The following GLB1 variants were observed in gnomAD, a reference collection of about 807,000 sequenced individuals.
GLB1 encodes the protein galactosidase beta 1.
A neutral mutation model predicts 74.0 loss-of-function variants in GLB1; 56 were observed. The ratio of observed to expected loss-of-function variants is 0.76; its 90% CI spans 0.61 to 0.94. The LOEUF is 0.94. Among genes scored for constraint, GLB1 ranks in the 40% least tolerant of loss-of-function variants. GLB1 has a pLI of 0.00. For missense variants in GLB1, 787 were observed against 845.5 expected, an observed-to-expected ratio of 0.93 and a Z score of 0.86; for synonymous variants, 323 against 323.6, an observed-to-expected ratio of 1.00 and a Z score of 0.02.
At chr3:33,062,615 T>C (rs905938848) in intron 5 of GLB1, among the ~76,000 whole-genome samples, 9 of 152,066 alleles carry the variant, frequency 5.9e-5, no homozygotes, top group African/African-American at 1.9e-4. Flanking sequence ...TGGTGAAACC[T>C]CATCTCCACT....
At chr3:33,091,026 G>A in intron 1 of GLB1, 2 of 985,390 alleles carry the variant, frequency 2.0e-6, no homozygotes, top group Non-Finnish European at 2.4e-6. Flanking sequence ...CACGTAACAG[G>A]TGAGTCAAAC....
chr3:33,090,718 T>C, intron 1 of GLB1: 1 of 985,430 alleles, frequency 1.0e-6, no homozygotes, highest in Non-Finnish European at 1.2e-6. Context: ...TGGAGAAATT[T>C]CTGCTGCAAA....
intron 4 of GLB1, among the ~76,000 whole-genome samples, chr3:33,067,002 C>CTTTTTTTTT (rs63579460): frequency 7.4e-6 from 1 of 135,474 alleles, no homozygotes; most frequent in African/African-American, 2.7e-5. Context: ...GTTTTTATTT[C>CTTTTTTTTT]TTTTTTTTTT....
intron 15 of GLB1, among the ~76,000 whole-genome samples, chr3:33,011,659 A>G (rs947444975): frequency 1.9e-4 from 28 of 150,914 alleles, no homozygotes; most frequent in African/African-American, 5.8e-4. Flanking sequence ...AAAAAAAAGA[A>G]AATATTTCAA....
At chr3:32,962,189 A>G in the GLB1 span, among the ~76,000 whole-genome samples, 60 of 38,216 alleles carry the variant, frequency 1.6e-3, no homozygotes, top group African/African-American at 0.015. Flanking sequence ...GTGAGACTAC[A>G]TATTAAAAAA....
intron 15 of GLB1, among the ~76,000 whole-genome samples, chr3:33,012,514 C>G (rs1370912875): frequency 1.3e-5 from 2 of 152,196 alleles, no homozygotes; most frequent in Non-Finnish European, 2.9e-5. Flanking sequence ...TCTCACCAGA[C>G]AGCAAATCTA....
intron 15 of GLB1, 143 bp downstream of exon 15, chr3:33,013,913 A>G (rs766506227): frequency 1.4e-6 from 2 of 1,473,992 alleles, no homozygotes; most frequent in Non-Finnish European, 1.8e-6. Flanking sequence ...ATCTGCCACA[A>G]TCCGCCTCCT....
chr3:33,092,715 A>C, intron 1 of GLB1: 1 of 1,474,354 alleles, frequency 6.8e-7, no homozygotes, highest in Non-Finnish European at 9.0e-7. Context: ...CTTGTGACCA[A>C]GGGTGTGTAG....
At chr3:33,095,932 A>C (rs895410209) in intron 1 of GLB1, among the ~76,000 whole-genome samples, 5 of 152,110 alleles carry the variant, frequency 3.3e-5, no homozygotes, top group African/African-American at 7.2e-5. Flanking sequence ...AGCAGCAAAT[A>C]ATCTGTGCTG....
rs35399363 is a variant in GLB1 at position 33,051,233 on chromosome 3, CA to C, written c.955+524del. On this transcript the variant is annotated intron_variant, in intron 9 of 15. Transcript: ENST00000307363. The stretch of plus-strand genomic sequence containing the variant: ...TGGGCGACAGAGCGAGACTGCGTCT[CA>C]AAAAAAAAAAAAAAAAAAAAAAGTA... Among the ~76,000 whole-genome samples, 362 of 76,402 alleles carry C rather than the reference CA, an allele frequency of 4.7e-3. 3 individuals carry two copies. Among genetic ancestry groups the C allele is most frequent in the African/African-American group, 0.014 (231 of 16,266 alleles). The allele number at this position is 76,402 out of a possible 152,430, so 50.1% of individuals were successfully genotyped here. A position where few individuals can be genotyped will look rare whatever the true frequency, so the allele number is the denominator to read the frequency against.
chr3:33,064,783 A>AAAAAAAAG, intron 5 of GLB1, among the ~76,000 whole-genome samples: 1 of 150,618 alleles, frequency 6.6e-6, no homozygotes, highest in Non-Finnish European at 1.5e-5. Context: ...TCTCAAAAAA[A>AAAAAAAAG]AAAAAAAAAA....
chr3:33,061,395 C>T (rs1699436837), intron 5 of GLB1, among the ~76,000 whole-genome samples: 1 of 152,080 alleles, frequency 6.6e-6, no homozygotes, highest in African/African-American at 2.4e-5. Context: ...GCCTGGGTGA[C>T]AGAGAAAACA....
At chr3:32,962,826 CCTT>C in the GLB1 span, among the ~76,000 whole-genome samples, 1 of 151,764 alleles carries the variant, frequency 6.6e-6, no homozygotes, top group Non-Finnish European at 1.5e-5. Context: ...CCAGAAAAGG[CCTT>C]ATACAAGCAA....
At chr3:33,043,816 G>GCAAAA (rs1698625745) in intron 10 of GLB1, among the ~76,000 whole-genome samples, 1 of 29,450 alleles carries the variant, frequency 3.4e-5, no homozygotes, top group Non-Finnish European at 8.3e-5. Context: ...GCAGGTAAAT[G>GCAAAA]GTGTTAATGA....
At chr3:33,086,867 A>G (rs574238060) in intron 1 of GLB1, among the ~76,000 whole-genome samples, 4 of 152,256 alleles carry the variant, frequency 2.6e-5, no homozygotes, top group African/African-American at 9.6e-5. Context: ...ATCCTGTTTC[A>G]AACAAAATAA....
At chr3:33,007,125 G>A (rs1056215234) in intron 15 of GLB1, among the ~76,000 whole-genome samples, 7 of 152,156 alleles carry the variant, frequency 4.6e-5, no homozygotes, top group African/African-American at 1.7e-4. Flanking sequence ...AAACCACATT[G>A]GTTCTGTGTT....
chr3:33,005,116 G>A (rs1176115573), intron 15 of GLB1, among the ~76,000 whole-genome samples: 1 of 152,132 alleles, frequency 6.6e-6, no homozygotes, highest in Non-Finnish European at 1.5e-5. Context: ...GGGACTGCAG[G>A]TGCCATCATG....
intron 10 of GLB1, chr3:33,034,461 G>A (rs1698186246): frequency 4.1e-6 from 3 of 730,392 alleles, no homozygotes; most frequent in Non-Finnish European, 7.6e-6. Flanking sequence ...AAGGAGAGCA[G>A]AAGCTGGAAG....
intron 10 of GLB1, among the ~76,000 whole-genome samples, chr3:33,027,333 T>C (rs1192571465): frequency 2.0e-5 from 3 of 152,220 alleles, no homozygotes; most frequent in Non-Finnish European, 2.9e-5. Context: ...CCACGCTTGC[T>C]CACACACCCC....
Sources: allele counts gnomAD v4.1 joint callset (sites outside exome capture counted in the v4.1 genomes callset), GRCh38; gene constraint gnomAD v4.1.1; transcripts MANE v1.5; gene names NCBI Gene and HGNC (gene_info 2026-07-23, HGNC 2026-07-21).